CDC42BPA: variants seen among roughly 807,000 people sequenced by gnomAD.
CDC42BPA encodes serine/threonine-protein kinase MRCK alpha.
CDC42BPA carries 80 observed loss-of-function variants against 223.5 expected under a neutral mutation model. The ratio of observed to expected loss-of-function variants is 0.36; its 90% CI spans 0.30 to 0.43. The LOEUF is 0.43. CDC42BPA is among the 20% of genes least tolerant of loss of function. The pLI, the probability that CDC42BPA is intolerant of heterozygous loss-of-function variation, is 1.00. For missense variants in CDC42BPA, 1,743 were observed against 2,099.9 expected (o/e 0.83, Z 3.32); for synonymous variants, 694 against 718.6 (o/e 0.97, Z 0.55).
intron 6 of CDC42BPA, among the ~76,000 whole-genome samples, chr1:227,158,678 T>C (rs567657476): frequency 6.6e-6 from 1 of 152,304 alleles, no homozygotes; most frequent in South Asian, 2.1e-4. Context: ...AGGTGTTAGC[T>C]GGCTCTCCAG....
intron 34 of CDC42BPA, among the ~76,000 whole-genome samples, chr1:227,009,190 A>C (rs1319490422): frequency 1.3e-5 from 2 of 152,228 alleles, no homozygotes; most frequent in African/African-American, 4.8e-5. Context: ...GAAGTAATAA[A>C]GGAATGACAA....
chr1:227,132,232 C>T (rs983302300), intron 10 of CDC42BPA, among the ~76,000 whole-genome samples: 2 of 152,074 alleles, frequency 1.3e-5, no homozygotes, highest in Middle Eastern at 3.2e-3. Flanking sequence ...CTCACTGCAA[C>T]CTCCCTGCCT....
In CDC42BPA at chr1:227,145,653, G is replaced by A. The variant is rs1426612626; in HGVS notation, c.979C>T (p.His327Tyr). The A allele has an allele frequency of 6.2e-7, 1 of 1,613,748 alleles. No individual in the cohort carries two copies. The highest frequency in any genetic ancestry group is 1.3e-5 in the African/African-American group (1 of 75,008). The change falls in exon 8 of 37, where the codon CAT becomes TAT. Residue 327 changes from histidine (H) to tyrosine (Y), a missense_variant. Coordinates refer to ENST00000366766, the MANE Select transcript of CDC42BPA (RefSeq NM_001394014.1). ...TCTATTCCATTTTGACCAAGTCGAT[G>A]TTCTCTGCTACAAATGAGCCTTCGA... ...LIRRLICSRE[H>Y]RLGQNGIEDF...
chr1:227,159,034 T>G (rs1663354326), intron 6 of CDC42BPA, among the ~76,000 whole-genome samples: 1 of 152,224 alleles, frequency 6.6e-6, no homozygotes, highest in Admixed American at 6.5e-5. Context: ...TTATGCTGCC[T>G]GTTGTCCACT....
intron 21 of CDC42BPA, 101 bp downstream of exon 21, chr1:227,069,676 G>A (rs916304251): frequency 2.7e-6 from 2 of 745,736 alleles, no homozygotes; most frequent in South Asian, 3.6e-5. Context: ...TAGGTCCTCT[G>A]ATGTGGGAAG....
At chr1:227,165,626 A>G (rs979746253) in intron 5 of CDC42BPA, among the ~76,000 whole-genome samples, 3 of 152,230 alleles carry the variant, frequency 2.0e-5, no homozygotes, top group African/African-American at 7.2e-5. Flanking sequence ...AATAGTGATA[A>G]AAGTATAGTG....
At chr1:227,202,225 G>C (rs951981048) in intron 3 of CDC42BPA, among the ~76,000 whole-genome samples, 2 of 152,058 alleles carry the variant, frequency 1.3e-5, no homozygotes, top group Non-Finnish European at 2.9e-5. Context: ...CTCGTGATCC[G>C]CCCACCTTGG....
intron 1 of CDC42BPA, among the ~76,000 whole-genome samples, chr1:227,287,845 C>T (rs1313683209): frequency 6.6e-6 from 1 of 152,162 alleles, no homozygotes; most frequent in Non-Finnish European, 1.5e-5. Flanking sequence ...TAATGTTCAA[C>T]ATCGTCCTTC....
chr1:227,124,398 A>T (rs1281499460), intron 11 of CDC42BPA, among the ~76,000 whole-genome samples: 1 of 151,394 alleles, frequency 6.6e-6, no homozygotes, highest in Non-Finnish European at 1.5e-5. Context: ...TTGGAGGTAT[A>T]TTTTTTTTCT....
At chr1:227,259,499 T>A (rs954280950) in intron 1 of CDC42BPA, among the ~76,000 whole-genome samples, 2 of 151,030 alleles carry the variant, frequency 1.3e-5, no homozygotes, top group African/African-American at 5.0e-5. Flanking sequence ...TTCCTGACAT[T>A]TGATTGCATC....
intron 1 of CDC42BPA, among the ~76,000 whole-genome samples, chr1:227,255,228 A>G (rs1682837155): frequency 6.6e-6 from 1 of 152,138 alleles, no homozygotes; most frequent in Non-Finnish European, 1.5e-5. Flanking sequence ...ATCATAATAC[A>G]TGGGTGTAGC....
chr1:227,192,407 A>T (rs1391318776), intron 5 of CDC42BPA, among the ~76,000 whole-genome samples: 6 of 152,156 alleles, frequency 3.9e-5, no homozygotes, highest in Non-Finnish European at 8.8e-5. Flanking sequence ...CTGAATCAGC[A>T]CTTCTGCAGC....
intron 35 of CDC42BPA, 27 bp from the exon 36 acceptor site, chr1:226,995,007 T>G (rs1219817630): frequency 4.4e-6 from 7 of 1,601,180 alleles, no homozygotes; most frequent in African/African-American, 1.3e-5. Context: ...AGGCAAAATT[T>G]TACATATGCA....
chr1:227,128,982 CT>C, intron 11 of CDC42BPA, 126 bp downstream of exon 11: 1 of 667,912 alleles, frequency 1.5e-6, no homozygotes, highest in Non-Finnish European at 2.5e-6. Context: ...CTTATTTGCC[CT>C]TCCCTGACTA....
At chr1:227,223,118 G>C (rs1027338832) in intron 2 of CDC42BPA, among the ~76,000 whole-genome samples, 4 of 152,302 alleles carry the variant, frequency 2.6e-5, no homozygotes, top group African/African-American at 9.6e-5. Context: ...ATGTGAATAC[G>C]TATGTTAAAA....
intron 2 of CDC42BPA, among the ~76,000 whole-genome samples, chr1:227,220,401 A>T (rs1273885316): frequency 1.3e-5 from 2 of 149,088 alleles, no homozygotes; most frequent in African/African-American, 4.9e-5. Flanking sequence ...AATATATATA[A>T]GAATATATAT....
At chr1:227,101,559 A>T (rs1387237735) in intron 14 of CDC42BPA, among the ~76,000 whole-genome samples, 1 of 152,136 alleles carries the variant, frequency 6.6e-6, no homozygotes, top group Non-Finnish European at 1.5e-5. Flanking sequence ...ATTTATTTAC[A>T]ATTATTGTTG....
At chr1:227,221,457 A>T (rs979406839) in intron 2 of CDC42BPA, among the ~76,000 whole-genome samples, 6 of 152,136 alleles carry the variant, frequency 3.9e-5, no homozygotes, top group Non-Finnish European at 8.8e-5. Flanking sequence ...TCAAGTTGCA[A>T]ATCTCATCAT....
At chr1:227,232,860 A>G (rs1390149033) in intron 2 of CDC42BPA, among the ~76,000 whole-genome samples, 16 of 152,206 alleles carry the variant, frequency 1.1e-4, no homozygotes, top group Admixed American at 1.0e-3. Flanking sequence ...CTCGTGTGTC[A>G]GGGACCCACT....
Sources: gnomAD v4.1 joint callset for allele counts (sites outside exome capture counted in the v4.1 genomes callset) on GRCh38, gnomAD v4.1.1 for gene constraint, MANE v1.5 for transcripts, NCBI Gene and HGNC (gene_info 2026-07-23, HGNC 2026-07-21) for gene names.